SLC24A3: variants seen among roughly 807,000 people sequenced by gnomAD.
The protein encoded by SLC24A3 is sodium/potassium/calcium exchanger 3.
Under a neutral mutation model 75.8 loss-of-function variants are expected in SLC24A3, and 28 were observed. The ratio of observed to expected loss-of-function variants is 0.37; its 90% CI spans 0.27 to 0.51. The LOEUF is 0.51. Ranked by LOEUF, SLC24A3 falls within the 20% of genes least tolerant of loss-of-function variation. SLC24A3 has a pLI of 0.94. For missense variants in SLC24A3, 663 were observed against 847.8 expected (o/e 0.78, Z 2.71); for synonymous variants, 372 against 334.1 (o/e 1.11, Z -1.24).
intron 2 of SLC24A3, among the ~76,000 whole-genome samples, chr20:19,438,743 C>T (rs1330057301): frequency 6.6e-6 from 1 of 152,048 alleles, no homozygotes; most frequent in African/African-American, 2.4e-5. Context: ...GCACCTGGCA[C>T]CCTGACATGG....
In SLC24A3 at chr20:19,580,029, T is replaced by C. The variant is rs777122298; in HGVS notation, c.378T>C (p.Ile126=). ...TATACATGTTCTATGCGCTGGCCAT[T>C]GTGTGTGATGACTTCTTCGTCCCTT... The part of the protein sequence containing the change: ...CAIYMFYALA[I]VCDDFFVPSL... Residue 126 remains isoleucine, a synonymous_variant, in exon 4 of 17, where the codon ATT becomes ATC. Coordinates refer to ENST00000328041, the MANE Select transcript of SLC24A3 (RefSeq NM_020689.4). The C allele has an allele frequency of 6.2e-7, 1 of 1,613,790 alleles. No individual in the cohort carries two copies. The highest frequency in any genetic ancestry group is 1.7e-5 in the Admixed American group (1 of 60,012).
At chr20:19,707,665 G>C (rs1022114080) in intron 15 of SLC24A3, among the ~76,000 whole-genome samples, 1 of 152,348 alleles carries the variant, frequency 6.6e-6, no homozygotes, top group African/African-American at 2.4e-5. Context: ...TTTTCTGACA[G>C]TTGTATGGAG....
chr20:19,639,892 C>T (rs1298647403), intron 6 of SLC24A3, among the ~76,000 whole-genome samples: 1 of 152,272 alleles, frequency 6.6e-6, no homozygotes, highest in Admixed American at 6.5e-5. Context: ...CCCCTCATTA[C>T]CTGGGCCGGC....
Position 19,346,116 on chromosome 20 carries a change from G to A in SLC24A3, c.271+65029G>A, listed in dbSNP as rs1287135239. On this transcript the variant is annotated intron_variant, in intron 2 of 16. Transcript: ENST00000328041. ...ATATATATATATATATATGGTGTGT[G>A]TGTGTGTGTATATATATATATGGTG... Among the ~76,000 whole-genome samples the A allele has an allele frequency of 1.8e-3, 122 of 67,112 alleles. 31 individuals are homozygous for A. Among genetic ancestry groups the A allele is most frequent in the African/African-American group, 0.011 (116 of 10,136 alleles). 44.0% of individuals were successfully genotyped at this position (67,112 alleles called of 152,430 possible). A position where few individuals can be genotyped will look rare whatever the true frequency, so the allele number is the denominator to read the frequency against.
In SLC24A3 at chr20:19,435,181, C is replaced by T. The variant is rs141883611; in HGVS notation, c.272-80307C>T. On this transcript the variant is annotated intron_variant, in intron 2 of 16. Transcript: ENST00000328041. The stretch of plus-strand genomic sequence containing the variant: ...AGTAAGGCAAGGCCAGGTTTAAATC[C>T]TGGCAGAGCCAATTACCAGCTGCAG... 5.8e-3 allele frequency among the ~76,000 whole-genome samples: 889 copies of T among 152,244 alleles called. 6 individuals carry two copies. Among genetic ancestry groups the T allele is most frequent in the South Asian group, 0.016 (76 of 4,824 alleles).
rs2030119040 is a variant in SLC24A3 at position 19,522,586 on chromosome 20, C to G, written c.348+7022C>G. Among the ~76,000 whole-genome samples, 4 of 152,208 alleles carry G rather than the reference C, an allele frequency of 2.6e-5. No homozygotes were observed. The South Asian group carries it at 8.3e-4, about 31-fold the overall frequency. On this transcript the variant is annotated intron_variant, in intron 3 of 16. Coordinates refer to ENST00000328041, the MANE Select transcript of SLC24A3 (RefSeq NM_020689.4). Reference sequence around the variant, plus strand: ...AGGTTTTTGATCTTCACCGTCTCTTCCCCCGCAAACGCCACCAAAGGCAGC... The same window carrying G: ...AGGTTTTTGATCTTCACCGTCTCTTGCCCCGCAAACGCCACCAAAGGCAGC...
At chr20:19,529,183 A>G (rs1450238839) in intron 3 of SLC24A3, among the ~76,000 whole-genome samples, 4 of 151,852 alleles carry the variant, frequency 2.6e-5, no homozygotes, top group Non-Finnish European at 5.9e-5. Flanking sequence ...GTGTGTATAT[A>G]TGTGTGTGTG....
intron 2 of SLC24A3, among the ~76,000 whole-genome samples, chr20:19,357,840 C>T (rs1985717212): frequency 6.6e-6 from 1 of 152,264 alleles, no homozygotes; most frequent in Admixed American, 6.5e-5. Context: ...TCCCAGGGAA[C>T]CTGCTAGAGC....
chr20:19,713,626 C>T (rs2033012719), intron 15 of SLC24A3, among the ~76,000 whole-genome samples: 2 of 152,084 alleles, frequency 1.3e-5, no homozygotes, highest in South Asian at 2.1e-4. Context: ...CCTACCCTTG[C>T]GGTGTCTGTA....
intron 2 of SLC24A3, among the ~76,000 whole-genome samples, chr20:19,504,590 T>C (rs1479164408): frequency 6.6e-6 from 1 of 152,152 alleles, no homozygotes; most frequent in Admixed American, 6.6e-5. Flanking sequence ...GAGGAACTAT[T>C]TAGTGGGTTC....
intron 8 of SLC24A3, among the ~76,000 whole-genome samples, chr20:19,672,219 A>G (rs1480777276): frequency 1.3e-5 from 2 of 152,212 alleles, no homozygotes; most frequent in Non-Finnish European, 2.9e-5. Flanking sequence ...AAGTTTTGCC[A>G]TGACAGAAGC....
chr20:19,267,208 A>T (rs935914091), intron 1 of SLC24A3, among the ~76,000 whole-genome samples: 4 of 152,232 alleles, frequency 2.6e-5, no homozygotes, highest in African/African-American at 9.6e-5. Context: ...TATTAGTTCC[A>T]TACTTTGAGA....
chr20:19,672,369 G>C (rs1345688266), intron 8 of SLC24A3, among the ~76,000 whole-genome samples: 1 of 152,088 alleles, frequency 6.6e-6, no homozygotes, highest in Non-Finnish European at 1.5e-5. Context: ...GGGTTTTACT[G>C]TGTCGCCCAG....
intron 2 of SLC24A3, among the ~76,000 whole-genome samples, chr20:19,439,822 C>T (rs956705909): frequency 6.6e-5 from 10 of 152,106 alleles, no homozygotes; most frequent in Non-Finnish European, 1.2e-4. Context: ...ACGGTCTCTC[C>T]GTGTAGACGT....
chr20:19,406,765 C>T (rs1986654647), intron 2 of SLC24A3, among the ~76,000 whole-genome samples: 1 of 152,132 alleles, frequency 6.6e-6, no homozygotes, highest in African/African-American at 2.4e-5. Flanking sequence ...TTCAGCACCC[C>T]AACTAGAATG....
chr20:19,696,648 G>C (rs1426283458), intron 13 of SLC24A3, 149 bp from the exon 14 acceptor site: 17 of 559,448 alleles, frequency 3.0e-5, no homozygotes, highest in Non-Finnish European at 5.2e-5. Flanking sequence ...CATAGTGTTT[G>C]TCACCCTCTG....
intron 2 of SLC24A3, among the ~76,000 whole-genome samples, chr20:19,485,363 A>G (rs1038568399): frequency 3.9e-5 from 6 of 152,140 alleles, no homozygotes; most frequent in African/African-American, 1.4e-4. Flanking sequence ...GATTTCCAAG[A>G]TATGTTAAGT....
chr20:19,634,046 T>A (rs1409773292), intron 6 of SLC24A3, among the ~76,000 whole-genome samples: 1 of 152,200 alleles, frequency 6.6e-6, no homozygotes, highest in Non-Finnish European at 1.5e-5. Flanking sequence ...TCTTGTGCCT[T>A]CCATTTCTTT....
chr20:19,251,862 G>C (rs1982666026), intron 1 of SLC24A3, among the ~76,000 whole-genome samples: 1 of 152,174 alleles, frequency 6.6e-6, no homozygotes, highest in Non-Finnish European at 1.5e-5. Flanking sequence ...GCATGAAGGG[G>C]GCCCCTCCAG....
Sources: allele counts gnomAD v4.1 joint callset (sites outside exome capture counted in the v4.1 genomes callset), GRCh38; gene constraint gnomAD v4.1.1; transcripts MANE v1.5; gene names NCBI Gene and HGNC (gene_info 2026-07-23, HGNC 2026-07-21).